The following CADM1 variants were observed in gnomAD, a reference collection of about 807,000 sequenced individuals.
The protein encoded by CADM1 is cell adhesion molecule 1.
CADM1 carries 15 observed loss-of-function variants against 53.1 expected under a neutral mutation model. The observed-to-expected ratio is 0.28, with a 90% confidence interval of 0.19 to 0.44. The LOEUF is 0.44. CADM1 is among the 20% of genes least tolerant of loss of function. CADM1 has a pLI of 1.00. For missense variants in CADM1, 434 were observed against 611.3 expected (o/e 0.71, Z 3.06); for synonymous variants, 281 against 243.0 (o/e 1.16, Z -1.45).
intron 1 of CADM1, chr11:115,445,858 G>A (rs993741711): frequency 4.8e-6 from 2 of 418,652 alleles, no homozygotes; most frequent in African/African-American, 2.1e-5. Flanking sequence ...GAAAAAACGA[G>A]AGAGAGAGGT....
At chr11:115,418,465 T>C (rs908794491) in intron 1 of CADM1, among the ~76,000 whole-genome samples, 12 of 152,128 alleles carry the variant, frequency 7.9e-5, no homozygotes, top group Non-Finnish European at 7.4e-5. Flanking sequence ...TCTATTAGCC[T>C]CAGGAAAGCA....
chr11:115,320,630 T>C (rs1944798528), intron 1 of CADM1, among the ~76,000 whole-genome samples: 1 of 152,042 alleles, frequency 6.6e-6, no homozygotes, highest in South Asian at 2.1e-4. Flanking sequence ...AGAATTAGTG[T>C]TTAGACCTAC....
chr11:115,346,873 ACTTT>A (rs748831647), intron 1 of CADM1, among the ~76,000 whole-genome samples: 4 of 152,190 alleles, frequency 2.6e-5, no homozygotes, highest in Admixed American at 1.3e-4. Context: ...TGCCTGAATG[ACTTT>A]CTTTGACCCA....
At chr11:115,306,573 C>T (rs1296873026) in intron 1 of CADM1, among the ~76,000 whole-genome samples, 1 of 151,946 alleles carries the variant, frequency 6.6e-6, no homozygotes, top group Non-Finnish European at 1.5e-5. Context: ...TCTGGGATAA[C>T]ATTTATCTAG....
intron 1 of CADM1, among the ~76,000 whole-genome samples, chr11:115,454,548 T>C (rs188070693): frequency 2.8e-4 from 42 of 152,320 alleles, no homozygotes; most frequent in African/African-American, 9.4e-4. Flanking sequence ...GGTTTTGCTA[T>C]AGGGTCAAAA....
At chr11:115,392,288 T>C (rs1357944025) in intron 1 of CADM1, among the ~76,000 whole-genome samples, 1 of 152,148 alleles carries the variant, frequency 6.6e-6, no homozygotes, top group Non-Finnish European at 1.5e-5. Context: ...GCCTGGCACG[T>C]AATAGATACT....
intron 1 of CADM1, among the ~76,000 whole-genome samples, chr11:115,427,701 A>G (rs1379991692): frequency 6.6e-6 from 1 of 152,116 alleles, no homozygotes; most frequent in Non-Finnish European, 1.5e-5. Flanking sequence ...AAAATATATT[A>G]ATAATGAAGT....
At chr11:115,402,254 G>A (rs1947177476) in intron 1 of CADM1, among the ~76,000 whole-genome samples, 1 of 152,154 alleles carries the variant, frequency 6.6e-6, no homozygotes, top group South Asian at 2.1e-4. Flanking sequence ...TCCAGGTACG[G>A]TGGCTCACAC....
At chr11:115,337,263 C>CA (rs1379759314) in intron 1 of CADM1, among the ~76,000 whole-genome samples, 2 of 152,100 alleles carry the variant, frequency 1.3e-5, no homozygotes, top group Non-Finnish European at 2.9e-5. Flanking sequence ...CTGGCATTAT[C>CA]AGTGCTTAAT....
chr11:115,414,229 A>G (rs1947534894), intron 1 of CADM1, among the ~76,000 whole-genome samples: 1 of 152,294 alleles, frequency 6.6e-6, no homozygotes, highest in East Asian at 1.9e-4. Context: ...AGTAGAAAAA[A>G]AACACCCAAC....
chr11:115,297,386 T>A (rs1944106916), intron 1 of CADM1, among the ~76,000 whole-genome samples: 1 of 152,170 alleles, frequency 6.6e-6, no homozygotes, highest in African/African-American at 2.4e-5. Context: ...AAGGCTTCTT[T>A]GATCATTAGA....
chr11:115,321,620 T>A (rs1944827756), intron 1 of CADM1, among the ~76,000 whole-genome samples: 1 of 152,222 alleles, frequency 6.6e-6, no homozygotes, highest in African/African-American at 2.4e-5. Flanking sequence ...CTACAGCCGT[T>A]ATGTCATGGA....
intron 1 of CADM1, among the ~76,000 whole-genome samples, chr11:115,310,592 G>A (rs1053311849): frequency 6.6e-5 from 10 of 152,070 alleles, no homozygotes; most frequent in African/African-American, 2.4e-4. Context: ...GTGAAACCCC[G>A]GGGCTTTTCT....
intron 1 of CADM1, among the ~76,000 whole-genome samples, chr11:115,349,102 G>A (rs1178877873): frequency 1.3e-5 from 2 of 152,092 alleles, no homozygotes; most frequent in African/African-American, 4.8e-5. Flanking sequence ...GGTTATATTC[G>A]ATTTCATTTT....
intron 1 of CADM1, among the ~76,000 whole-genome samples, chr11:115,474,203 A>C (rs984004003): frequency 2.0e-5 from 3 of 146,496 alleles, no homozygotes; most frequent in South Asian, 4.6e-4. Flanking sequence ...AGGCAGGAGA[A>C]TGGCGTGAAC....
At chr11:115,362,747 T>C (rs55694206) in intron 1 of CADM1, among the ~76,000 whole-genome samples, 2,160 of 152,308 alleles carry the variant, frequency 0.014, 39 homozygotes, top group African/African-American at 0.043. Flanking sequence ...TAATCCTTCT[T>C]CACAAACAAA....
At chr11:115,355,737 C>G (rs893979269) in intron 1 of CADM1, among the ~76,000 whole-genome samples, 32 of 146,488 alleles carry the variant, frequency 2.2e-4, no homozygotes, top group African/African-American at 8.0e-4. Flanking sequence ...CACACACACA[C>G]AGGCACAAAT....
chr11:115,216,331 C>T (rs1383720909), intron 6 of CADM1, among the ~76,000 whole-genome samples: 1 of 152,208 alleles, frequency 6.6e-6, no homozygotes, highest in Admixed American at 6.5e-5. Context: ...AATTTACTGT[C>T]CCCGTGGCAC....
At position 115,307,517 on chromosome 11, in the gene CADM1, A is replaced by ATATATAT. The variant is rs1555060904; in HGVS notation, c.125-67098_125-67097insATATATA. Among the ~76,000 whole-genome samples, 757 of 144,284 alleles carry ATATATAT rather than the reference A, an allele frequency of 5.2e-3. 9 individuals carry two copies. Among genetic ancestry groups the ATATATAT allele is most frequent in the African/African-American group, 0.018 (716 of 39,364 alleles). 94.7% of individuals were successfully genotyped at this position (144,284 alleles called of 152,430 possible). A position where few individuals can be genotyped will look rare whatever the true frequency, so the allele number is the denominator to read the frequency against. ...CAACTATTTAAGCCAGGAAAAAAAA[A>ATATATAT]ATATATATATATATATATGCTGAGA... On this transcript the variant is annotated intron_variant, in intron 1 of 11. Coordinates refer to ENST00000331581, the MANE Select transcript of CADM1 (RefSeq NM_001301043.2).
Sources: allele counts gnomAD v4.1 joint callset (sites outside exome capture counted in the v4.1 genomes callset), GRCh38; gene constraint gnomAD v4.1.1; transcripts MANE v1.5; gene names NCBI Gene and HGNC (gene_info 2026-07-23, HGNC 2026-07-21).